Variants in COL11A1 observed in about 807,000 individuals in gnomAD.
COL11A1 encodes the protein collagen type XI alpha 1 chain.
In COL11A1, 74 loss-of-function variants were observed where a neutral mutation model predicts 265.2. The ratio of observed to expected loss-of-function variants is 0.28; its 90% confidence interval spans 0.23 to 0.34. The LOEUF (loss-of-function observed/expected upper bound fraction) is 0.34. Among genes scored for constraint, COL11A1 ranks in the 10% least tolerant of loss-of-function variants. The probability of loss-of-function intolerance (pLI) is 1.00; values close to 1 mark genes in which losing one functional copy is unlikely to be tolerated. For missense variants in COL11A1, 2,165 were observed against 2,263.6 expected (o/e 0.96, Z 0.88); for synonymous variants, 816 against 727.6 (o/e 1.12, Z -1.96).
intron 1 of COL11A1, among the ~76,000 whole-genome samples, chr1:103,105,410 A>G (rs939451286): frequency 1.3e-5 from 2 of 152,148 alleles, no homozygotes; most frequent in African/African-American, 4.8e-5. Context: ...TCCAAGTTAT[A>G]GTTTGATTTT....
chr1:102,913,672 C>A lies in COL11A1; in HGVS notation c.3997G>T (p.Gly1333Cys). 1 of 1,613,488 alleles carries A rather than the reference C, an allele frequency of 6.2e-7. No individual in the cohort carries two copies. Among genetic ancestry groups the A allele is most frequent in the Non-Finnish European group, 8.5e-7 (1 of 1,179,674 alleles). ...PGPAGQDGVGGDKGEDGDPGQ... is the reference protein window; with the variant it reads ...PGPAGQDGVGCDKGEDGDPGQ... Reference sequence around the variant, plus strand: ...GGATCTCCATCTTCACCCTTGTCACCACCAACACCATCTTGACCCTATAAG... The same window carrying A: ...GGATCTCCATCTTCACCCTTGTCACAACCAACACCATCTTGACCCTATAAG... Residue 1333 changes from glycine (G) to cysteine (C), a missense_variant, in exon 53 of 67, where the codon GGT becomes TGT. Gly to Cys is a radical substitution (Grantham distance 159, BLOSUM62 -3). Transcript: ENST00000370096.
Position 102,998,312 on chromosome 1 carries a change from G to A in COL11A1, c.2194C>T (p.Pro732Ser), listed in dbSNP as rs375443900. Residue 732 changes from proline (P) to serine (S), a missense_variant and splice_region_variant, in exon 25 of 67, where the codon CCT becomes TCT. Pro to Ser is a moderately conservative substitution (Grantham distance 74, BLOSUM62 -1). Transcript: ENST00000370096. Reference sequence around the variant, plus strand: ...ATGACCAGGTAGCTGTTACTTACAGGAGGCCCATCAGCACCAGGAAGTCCA... The same window carrying A: ...ATGACCAGGTAGCTGTTACTTACAGAAGGCCCATCAGCACCAGGAAGTCCA... ...LAGLPGADGP[P>S]GHPGKEGQSG... 2.5e-6 allele frequency: 4 copies of A among 1,606,596 alleles called. No homozygotes were observed. The highest frequency in any genetic ancestry group is 2.2e-5 in the South Asian group (2 of 90,290).
intron 64 of COL11A1, 119 bp from the exon 65 acceptor site, chr1:102,881,884 G>T (rs549060970): frequency 2.0e-4 from 149 of 759,254 alleles, no homozygotes; most frequent in Non-Finnish European, 3.1e-4. Flanking sequence ...GCTTAAAATC[G>T]TTTTAAAATG....
At chr1:102,905,126 A>C (rs1196543618) in intron 54 of COL11A1, among the ~76,000 whole-genome samples, 1 of 150,202 alleles carries the variant, frequency 6.7e-6, no homozygotes. Flanking sequence ...CGCAAGGACA[A>C]AAAACCAAAC....
rs562661225 is a variant in COL11A1 at position 103,042,542 on chromosome 1, G to T, written c.652-11298C>A. On this transcript the variant is annotated intron_variant, in intron 4 of 66. Transcript: ENST00000370096. Reference sequence around the variant, plus strand: ...CATCACCAGACTCTCCCGCAGGTTGGTTTCCGGGACAGACATGGAAGCTAC... The same window carrying T: ...CATCACCAGACTCTCCCGCAGGTTGTTTTCCGGGACAGACATGGAAGCTAC... Among the ~76,000 whole-genome samples the T allele has an allele frequency of 7.2e-4, 110 of 152,166 alleles. 1 individual carries two copies. The highest frequency in any genetic ancestry group is 6.1e-3 in the Admixed American group (93 of 15,250).
At chr1:102,908,198 C>A (rs939406117) in intron 54 of COL11A1, among the ~76,000 whole-genome samples, 1 of 151,906 alleles carries the variant, frequency 6.6e-6, no homozygotes, top group Admixed American at 6.6e-5. Flanking sequence ...GTGTCAAATA[C>A]TTTTTCATGC....
intron 1 of COL11A1, among the ~76,000 whole-genome samples, chr1:103,099,815 G>A (rs1674100233): frequency 6.6e-6 from 1 of 151,730 alleles, no homozygotes; most frequent in Admixed American, 6.6e-5. Flanking sequence ...ATATGAAAAA[G>A]CTAGAGGTAA....
At chr1:103,102,187 A>G (rs1323296960) in intron 1 of COL11A1, among the ~76,000 whole-genome samples, 1 of 152,108 alleles carries the variant, frequency 6.6e-6, no homozygotes, top group East Asian at 1.9e-4. Flanking sequence ...AAGGAAGGAG[A>G]AAGAAATACA....
Position 102,934,321 on chromosome 1 carries a change from A to G in COL11A1, c.3600+128T>C, listed in dbSNP as rs911903282. On this transcript the variant is annotated intron_variant, in intron 46 of 66. Transcript: ENST00000370096. ...CTCATTTAAAAATAAAATGATCTTT[A>G]TGGATAAACATTGTACCCAAGTTCT... 4 of 672,254 alleles carry G rather than the reference A, an allele frequency of 6.0e-6. No individual in the cohort carries two copies. In the Admixed American group the frequency reaches 1.1e-4, roughly 18 times the overall value. 41.6% of individuals were successfully genotyped at this position (672,254 alleles called of 1,614,324 possible).
chr1:103,108,426 C>T lies in COL11A1; in HGVS notation c.-248G>A, dbSNP rs1674889828. On this transcript the variant is annotated 5_prime_UTR_variant, in exon 1 of 67. Coordinates refer to ENST00000370096, the MANE Select transcript of COL11A1 (RefSeq NM_001854.4). ...CTCCGGCCGCGACCCTCTGATCCTT[C>T]CTCTGCCGGGCCCTGCCTTCAGAAT... 8.3e-6 allele frequency: 5 copies of T among 605,320 alleles called. No homozygotes were observed. Among genetic ancestry groups the T allele is most frequent in the Non-Finnish European group, 1.5e-5 (5 of 341,142 alleles). The allele number at this position is 605,320 out of a possible 1,614,324, so 37.5% of individuals were successfully genotyped here. A position where few individuals can be genotyped will look rare whatever the true frequency, so the allele number is the denominator to read the frequency against.
intron 46 of COL11A1, among the ~76,000 whole-genome samples, chr1:102,929,378 G>A (rs1287927599): frequency 1.3e-5 from 2 of 151,952 alleles, no homozygotes; most frequent in Non-Finnish European, 2.9e-5. Flanking sequence ...TTTTTCTCAG[G>A]TTTGTCAAAG....
At chr1:103,025,225 T>C (rs985713283) in intron 7 of COL11A1, among the ~76,000 whole-genome samples, 1 of 152,140 alleles carries the variant, frequency 6.6e-6, no homozygotes, top group Admixed American at 6.5e-5. Flanking sequence ...AGTCACAACA[T>C]GTTGAAAAGC....
At chr1:102,888,796 G>A (rs767072784) in intron 60 of COL11A1, 38 bp from the exon 61 acceptor site, 1 of 1,613,362 alleles carries the variant, frequency 6.2e-7, no homozygotes, top group South Asian at 1.1e-5. Flanking sequence ...ATAAAAATCT[G>A]GAGCATTTGT....
chr1:102,914,477 G>A, intron 51 of COL11A1, 72 bp from the exon 52 acceptor site: 2 of 1,394,864 alleles, frequency 1.4e-6, no homozygotes. Context: ...CATTCTGGAG[G>A]TGAAGAGGTT....
At chr1:102,925,978 TCA>T (rs1255190180) in intron 46 of COL11A1, among the ~76,000 whole-genome samples, 1 of 152,092 alleles carries the variant, frequency 6.6e-6, no homozygotes, top group Non-Finnish European at 1.5e-5. Context: ...CAATATTAAT[TCA>T]CAGTTTTTTT....
chr1:102,878,533 T>G (rs1649822830), intron 66 of COL11A1, among the ~76,000 whole-genome samples: 1 of 140,652 alleles, frequency 7.1e-6, no homozygotes, highest in Non-Finnish European at 1.5e-5. Context: ...TTTTTTTTTT[T>G]GAGATGAAGT....
At chr1:102,964,410 G>C (rs1382166222) in intron 38 of COL11A1, among the ~76,000 whole-genome samples, 1 of 152,106 alleles carries the variant, frequency 6.6e-6, no homozygotes, top group African/African-American at 2.4e-5. Context: ...CAGTTAAAAA[G>C]AAGCCTTCAG....
intron 1 of COL11A1, among the ~76,000 whole-genome samples, chr1:103,107,472 A>G (rs1041259556): frequency 3.6e-4 from 55 of 151,818 alleles, no homozygotes; most frequent in African/African-American, 1.3e-3. Context: ...ATTTTTGTCC[A>G]CTTAAAATAG....
At chr1:103,048,208 A>T (rs1669472023) in intron 4 of COL11A1, among the ~76,000 whole-genome samples, 2 of 152,166 alleles carry the variant, frequency 1.3e-5, no homozygotes, top group African/African-American at 4.8e-5. Context: ...CTCTGGTAGA[A>T]TTTGGCTGTG....
Sources: allele counts gnomAD v4.1 joint callset (sites outside exome capture counted in the v4.1 genomes callset), GRCh38; gene constraint gnomAD v4.1.1; transcripts MANE v1.5; gene names NCBI Gene and HGNC (gene_info 2026-07-23, HGNC 2026-07-21).